PPP6R3: variants seen among roughly 807,000 people sequenced by gnomAD.
The protein encoded by PPP6R3 is protein phosphatase 6 regulatory subunit 3, also known as serine/threonine-protein phosphatase 6 regulatory subunit 3.
PPP6R3 carries 38 observed loss-of-function variants against 110.7 expected under a neutral mutation model. The ratio of observed to expected loss-of-function variants is 0.34; its 90% CI spans 0.26 to 0.45. PPP6R3 has a LOEUF of 0.45. Among genes scored for constraint, PPP6R3 ranks in the 20% least tolerant of loss-of-function variants. The pLI is 1.00. For synonymous variants in PPP6R3, 369 were observed against 373.5 expected (o/e 0.99, Z 0.14); for missense variants, 870 against 1,062.4 (o/e 0.82, Z 2.52).
At chr11:68,610,654 G>A (rs751536161) in intron 23 of PPP6R3, among the ~76,000 whole-genome samples, 6 of 152,126 alleles carry the variant, frequency 3.9e-5, no homozygotes, top group Non-Finnish European at 2.9e-5. Flanking sequence ...TCAGCCACCC[G>A]GAGCCCATGC....
At position 68,531,493 on chromosome 11, in the gene PPP6R3, T is replaced by G. The variant is rs558729504; in HGVS notation, c.-6-6166T>G. 2.6e-5 allele frequency among the ~76,000 whole-genome samples: 4 copies of G among 152,114 alleles called. No individual in the cohort carries two copies. The East Asian group carries it at 7.7e-4, about 29-fold the overall frequency. Reference sequence around the variant, plus strand: ...GCTGGGACTACAGGTGTGTGCCACCTGTTGCCCAGGCTGGTCTCAAACTCC... The same window carrying G: ...GCTGGGACTACAGGTGTGTGCCACCGGTTGCCCAGGCTGGTCTCAAACTCC... On this transcript the variant is annotated intron_variant, in intron 2 of 23. Coordinates refer to ENST00000393800, the MANE Select transcript of PPP6R3 (RefSeq NM_001164161.2).
At chr11:68,551,260 A>G (rs1015699689) in intron 6 of PPP6R3, 74 bp downstream of exon 6, 2 of 1,110,018 alleles carry the variant, frequency 1.8e-6, no homozygotes, top group Non-Finnish European at 1.3e-6. Flanking sequence ...CACAGAGCAT[A>G]CTTATATTAA....
intron 1 of PPP6R3, among the ~76,000 whole-genome samples, chr11:68,493,615 C>G (rs1452550486): frequency 4.4e-5 from 3 of 68,478 alleles, no homozygotes; most frequent in African/African-American, 1.2e-4. Flanking sequence ...AAAAACAAAA[C>G]CATATATATA....
intron 7 of PPP6R3, among the ~76,000 whole-genome samples, chr11:68,555,782 A>G (rs2099397002): frequency 6.6e-6 from 1 of 152,246 alleles, no homozygotes; most frequent in Non-Finnish European, 1.5e-5. Flanking sequence ...GTTGGAGTAA[A>G]TGTGTTCAAA....
At chr11:68,473,432 C>G (rs2098806620) in intron 1 of PPP6R3, among the ~76,000 whole-genome samples, 1 of 152,242 alleles carries the variant, frequency 6.6e-6, no homozygotes, top group Admixed American at 6.5e-5. Flanking sequence ...ATCTCTCCAT[C>G]TGTATCCTTT....
At chr11:68,606,997 A>G (rs1940471132) in intron 22 of PPP6R3, among the ~76,000 whole-genome samples, 1 of 152,224 alleles carries the variant, frequency 6.6e-6, no homozygotes, top group African/African-American at 2.4e-5. Flanking sequence ...ATACATCAAA[A>G]TATAAATTAT....
intron 7 of PPP6R3, among the ~76,000 whole-genome samples, chr11:68,554,716 G>GT (rs1404346077): frequency 2.0e-5 from 3 of 152,144 alleles, no homozygotes; most frequent in Non-Finnish European, 2.9e-5. Context: ...ATGGGGTGCT[G>GT]TTTTTTCTAG....
At chr11:68,496,853 C>CTTTTT (rs1157617908) in intron 1 of PPP6R3, among the ~76,000 whole-genome samples, 3 of 61,272 alleles carry the variant, frequency 4.9e-5, no homozygotes, top group Non-Finnish European at 6.0e-5. Flanking sequence ...ATATTCTTGT[C>CTTTTT]TTTTTTTTTT....
At position 68,477,704 on chromosome 11, in the gene PPP6R3, G is replaced by A. The variant is rs2098841956; in HGVS notation, c.-158+16877G>A. 3.8e-5 allele frequency among the ~76,000 whole-genome samples: 5 copies of A among 132,972 alleles called. 1 individual carries two copies. The South Asian group carries it at 1.2e-3, about 32-fold the overall frequency. The allele number at this position is 132,972 out of a possible 152,430, so 87.2% of individuals were successfully genotyped here. A position where few individuals can be genotyped will look rare whatever the true frequency, so the allele number is the denominator to read the frequency against. ...ATTGCGCCACTGCACTCCAGCCTGA[G>A]AGACAGAGAGAGACATTGTCTCTTA... On this transcript the variant is annotated intron_variant, in intron 1 of 23. Coordinates refer to ENST00000393800, the MANE Select transcript of PPP6R3 (RefSeq NM_001164161.2).
intron 1 of PPP6R3, 108 bp downstream of exon 1, chr11:68,460,935 CG>C (rs2098699327): frequency 6.6e-6 from 1 of 151,560 alleles, no homozygotes; most frequent in South Asian, 2.1e-4. Context: ...AGGGAGGGAA[CG>C]TCCCGGCCCC....
At chr11:68,481,571 G>T (rs1424393272) in intron 1 of PPP6R3, among the ~76,000 whole-genome samples, 1 of 152,226 alleles carries the variant, frequency 6.6e-6, no homozygotes, top group Non-Finnish European at 1.5e-5. Flanking sequence ...GAGCGAGCTG[G>T]TTTAGCAGAA....
chr11:68,596,611 C>T (rs963172746), intron 19 of PPP6R3, among the ~76,000 whole-genome samples: 4 of 152,184 alleles, frequency 2.6e-5, no homozygotes, highest in Non-Finnish European at 5.9e-5. Flanking sequence ...AGCCAGGGGA[C>T]GCAGCCTTAG....
intron 19 of PPP6R3, among the ~76,000 whole-genome samples, chr11:68,598,681 G>A (rs1211980616): frequency 6.6e-6 from 1 of 152,132 alleles, no homozygotes; most frequent in Non-Finnish European, 1.5e-5. Context: ...AATGTTACAC[G>A]GACTCTGAGG....
chr11:68,463,177 C>G (rs1273536014), intron 1 of PPP6R3, among the ~76,000 whole-genome samples: 1 of 151,774 alleles, frequency 6.6e-6, no homozygotes, highest in Non-Finnish European at 1.5e-5. Flanking sequence ...AGTTCGAGAC[C>G]AGGCCAACAT....
chr11:68,593,472 C>G (rs767881541), intron 18 of PPP6R3, among the ~76,000 whole-genome samples: 37 of 151,986 alleles, frequency 2.4e-4, no homozygotes, highest in Non-Finnish European at 5.3e-4. Flanking sequence ...GGTTTGAGGC[C>G]TATAATGTCA....
chr11:68,495,861 G>A (rs1235713686), intron 1 of PPP6R3, among the ~76,000 whole-genome samples: 3 of 152,214 alleles, frequency 2.0e-5, no homozygotes, highest in African/African-American at 7.2e-5. Context: ...GAGTAGAATT[G>A]TTGGGTCATA....
chr11:68,585,143 C>T (rs1424928091), intron 15 of PPP6R3, among the ~76,000 whole-genome samples: 1 of 152,196 alleles, frequency 6.6e-6, no homozygotes, highest in Non-Finnish European at 1.5e-5. Context: ...GGCGTTTGTG[C>T]CCTGCCCATT....
At chr11:68,577,269 A>G (rs1211127472) in intron 14 of PPP6R3, among the ~76,000 whole-genome samples, 2 of 152,214 alleles carry the variant, frequency 1.3e-5, no homozygotes, top group African/African-American at 2.4e-5. Context: ...TACTCGGACT[A>G]TCGTTTAACT....
chr11:68,557,653 G>A (rs908766507), intron 7 of PPP6R3, among the ~76,000 whole-genome samples: 3 of 152,128 alleles, frequency 2.0e-5, no homozygotes, highest in African/African-American at 7.2e-5. Context: ...TGATTAGCTG[G>A]GATGACAGGC....
Sources: allele counts gnomAD v4.1 joint callset (sites outside exome capture counted in the v4.1 genomes callset), GRCh38; gene constraint gnomAD v4.1.1; transcripts MANE v1.5; gene names NCBI Gene and HGNC (gene_info 2026-07-23, HGNC 2026-07-21).